The following MEOX2 variants were observed in gnomAD, a reference collection of about 807,000 sequenced individuals.
MEOX2 encodes the protein homeobox protein MOX-2.
Under a neutral mutation model 27.0 loss-of-function variants are expected in MEOX2, and 11 were observed. The ratio of observed to expected loss-of-function variants is 0.41; its 90% CI spans 0.26 to 0.68. The LOEUF (loss-of-function observed/expected upper bound fraction) is 0.68. Among genes scored for constraint, MEOX2 ranks in the 30% least tolerant of loss-of-function variants. The probability of loss-of-function intolerance (pLI) is 0.33; values close to 1 mark genes in which losing one functional copy is unlikely to be tolerated. For missense variants in MEOX2, 436 were observed against 385.4 expected (o/e 1.13, Z -1.10); for synonymous variants, 189 against 155.4 (o/e 1.22, Z -1.61).
intron 1 of MEOX2, among the ~76,000 whole-genome samples, chr7:15,627,156 T>C (rs894035963): frequency 2.0e-5 from 3 of 152,030 alleles, no homozygotes; most frequent in African/African-American, 7.2e-5. Flanking sequence ...TTTCTTCTTA[T>C]AAAATATTAA....
intron 1 of MEOX2, among the ~76,000 whole-genome samples, chr7:15,678,467 C>G (rs2115395856): frequency 6.6e-6 from 1 of 152,302 alleles, no homozygotes; most frequent in South Asian, 2.1e-4. Flanking sequence ...TACCTACCAA[C>G]ATAAATCAAT....
intron 1 of MEOX2, among the ~76,000 whole-genome samples, chr7:15,636,630 T>A (rs1215073902): frequency 6.6e-6 from 1 of 152,080 alleles, no homozygotes; most frequent in Admixed American, 6.6e-5. Context: ...TCTTTGGAGA[T>A]CTTAAATTCA....
In MEOX2 at chr7:15,673,437, G is replaced by A. The variant is rs186748081; in HGVS notation, c.517+12449C>T. Among the ~76,000 whole-genome samples, 5 of 151,974 alleles carry A rather than the reference G, an allele frequency of 3.3e-5. No individual in the cohort carries two copies. The East Asian group carries it at 9.7e-4, about 29-fold the overall frequency. Reference sequence around the variant, plus strand: ...TAGAAATAAAAAATAAATCTGGCAGGCGTCATAGAACTAAATACACACACA... The same window carrying A: ...TAGAAATAAAAAATAAATCTGGCAGACGTCATAGAACTAAATACACACACA... On this transcript the variant is annotated intron_variant, in intron 1 of 2. Coordinates refer to ENST00000262041, the MANE Select transcript of MEOX2 (RefSeq NM_005924.5).
At position 15,645,472 on chromosome 7, in the gene MEOX2, A is replaced by T. The variant is rs1051317494; in HGVS notation, c.518-18554T>A. On this transcript the variant is annotated intron_variant, in intron 1 of 2. Transcript: ENST00000262041. ...ATAGACATGGGCTCATACCAGTGAA[A>T]AGAAACACCAAATTCGCCATGACTG... Among the ~76,000 whole-genome samples the T allele has an allele frequency of 2.0e-5, 3 of 152,182 alleles. No individual in the cohort carries two copies. In the South Asian group the frequency reaches 6.2e-4, roughly 31 times the overall value.
At position 15,612,172 on chromosome 7, in the gene MEOX2, G is replaced by A; in HGVS notation, c.*215C>T. The A allele has an allele frequency of 1.7e-6, 1 of 584,980 alleles. No homozygotes were observed. The highest frequency in any genetic ancestry group is 3.0e-6 in the Non-Finnish European group (1 of 328,694). 36.2% of individuals were successfully genotyped at this position (584,980 alleles called of 1,614,324 possible). The stretch of plus-strand genomic sequence containing the variant: ...ACCAAACACATCTGGAATATTCAAA[G>A]CAAGTTCACCTTCTCCATCTTCACT... On this transcript the variant is annotated 3_prime_UTR_variant, in exon 3 of 3. Coordinates refer to ENST00000262041, the MANE Select transcript of MEOX2 (RefSeq NM_005924.5).
chr7:15,682,462 T>C (rs771477945), intron 1 of MEOX2, among the ~76,000 whole-genome samples: 2 of 151,896 alleles, frequency 1.3e-5, no homozygotes, highest in African/African-American at 4.8e-5. Flanking sequence ...ATAGTAGCTA[T>C]AAATAAAATA....
In MEOX2 at chr7:15,612,380, G is replaced by C. The variant is rs1421986027; in HGVS notation, c.*7C>G. 3.1e-6 allele frequency: 5 copies of C among 1,610,272 alleles called. No homozygotes were observed. Among genetic ancestry groups the C allele is most frequent in the Non-Finnish European group, 4.2e-6 (5 of 1,176,770 alleles). On this transcript the variant is annotated 3_prime_UTR_variant, in exon 3 of 3. Coordinates refer to ENST00000262041, the MANE Select transcript of MEOX2 (RefSeq NM_005924.5). ...TTCCTGAGAATGGAGCTGGTCCTCT[G>C]TTTATATCATAAGTGCGCATGCTCT...
chr7:15,655,250 G>T (rs1781799816), intron 1 of MEOX2, among the ~76,000 whole-genome samples: 1 of 151,508 alleles, frequency 6.6e-6, no homozygotes, highest in Non-Finnish European at 1.5e-5. Context: ...ACTAATGCTG[G>T]CATTTTTGTG....
intron 2 of MEOX2, among the ~76,000 whole-genome samples, chr7:15,625,011 G>A (rs1437684245): frequency 1.3e-5 from 2 of 152,132 alleles, no homozygotes; most frequent in Non-Finnish European, 2.9e-5. Context: ...GTCAAACAAT[G>A]ACAGATAACC....
chr7:15,683,458 C>T (rs571778432), intron 1 of MEOX2, among the ~76,000 whole-genome samples: 58 of 151,930 alleles, frequency 3.8e-4, no homozygotes, highest in Non-Finnish European at 5.2e-4. Context: ...TATTGAAATA[C>T]TAAAATGTGC....
intron 2 of MEOX2, among the ~76,000 whole-genome samples, chr7:15,614,364 T>A (rs909625208): frequency 2.0e-5 from 3 of 152,006 alleles, no homozygotes; most frequent in Non-Finnish European, 4.4e-5. Context: ...CAGTCAGTGG[T>A]TGTTGCACCA....
chr7:15,615,879 C>A (rs558685850), intron 2 of MEOX2, among the ~76,000 whole-genome samples: 2 of 151,778 alleles, frequency 1.3e-5, no homozygotes, highest in East Asian at 3.9e-4. Flanking sequence ...TTTTAAAAAT[C>A]CACATATATT....
intron 2 of MEOX2, among the ~76,000 whole-genome samples, chr7:15,622,898 A>G (rs1230821427): frequency 6.6e-6 from 1 of 152,202 alleles, no homozygotes; most frequent in African/African-American, 2.4e-5. Flanking sequence ...AAGAGGTCCC[A>G]GAGAGCTACC....
chr7:15,643,887 C>T (rs1781601695), intron 1 of MEOX2, among the ~76,000 whole-genome samples: 1 of 152,124 alleles, frequency 6.6e-6, no homozygotes, highest in Admixed American at 6.5e-5. Context: ...GTCCTCTGGC[C>T]CTCGGGGTCA....
chr7:15,649,876 G>C (rs1000252914), intron 1 of MEOX2, among the ~76,000 whole-genome samples: 2 of 152,080 alleles, frequency 1.3e-5, no homozygotes, highest in African/African-American at 4.8e-5. Context: ...TTGCCCTGCA[G>C]AGAGCTTATA....
In MEOX2 at chr7:15,686,616, G is replaced by A. The variant is rs1782392951; in HGVS notation, c.-214C>T. 3.4e-6 allele frequency: 2 copies of A among 582,654 alleles called. No individual in the cohort carries two copies. The highest frequency in any genetic ancestry group is 2.3e-5 in the South Asian group (1 of 43,782). 36.1% of individuals were successfully genotyped at this position (582,654 alleles called of 1,614,324 possible). A position where few individuals can be genotyped will look rare whatever the true frequency, so the allele number is the denominator to read the frequency against. On this transcript the variant is annotated 5_prime_UTR_variant, in exon 1 of 3. Transcript: ENST00000262041. ...CAGTCGGACCTGGAAGAGCTTCCCT[G>A]AGCTACTCAGATGTCAAGAGTGGGA...
At chr7:15,677,026 A>G (rs915235880) in intron 1 of MEOX2, among the ~76,000 whole-genome samples, 1 of 152,176 alleles carries the variant, frequency 6.6e-6, no homozygotes, top group Non-Finnish European at 1.5e-5. Flanking sequence ...GGGAAAGGCA[A>G]CTTGAGCCTC....
At chr7:15,623,213 G>T (rs1325918915) in intron 2 of MEOX2, among the ~76,000 whole-genome samples, 2 of 152,044 alleles carry the variant, frequency 1.3e-5, no homozygotes, top group Non-Finnish European at 2.9e-5. Flanking sequence ...TATTTCACTG[G>T]GATGAGAGCC....
At chr7:15,682,939 C>A (rs2115399058) in intron 1 of MEOX2, among the ~76,000 whole-genome samples, 1 of 151,912 alleles carries the variant, frequency 6.6e-6, no homozygotes, top group African/African-American at 2.4e-5. Flanking sequence ...GTGTGTTTTT[C>A]TATTAAATTT....
Sources: gnomAD v4.1 joint callset for allele counts (sites outside exome capture counted in the v4.1 genomes callset) on GRCh38, gnomAD v4.1.1 for gene constraint, MANE v1.5 for transcripts, NCBI Gene and HGNC (gene_info 2026-07-23, HGNC 2026-07-21) for gene names.